Variants in TET2 observed in about 807,000 individuals in gnomAD.
TET2 encodes the protein methylcytosine dioxygenase TET2.
Under a neutral mutation model 142.9 loss-of-function variants are expected in TET2, and 299 were observed. The observed-to-expected ratio is 2.09, with a 90% CI of 1.90 to 2.30. The LOEUF (loss-of-function observed/expected upper bound fraction) is 2.30, where lower values mean the gene tolerates loss of function less well. Ranked by LOEUF, TET2 falls within the 30% of genes most tolerant of loss-of-function variation. TET2 has a pLI of 0.00. For synonymous variants in TET2, 819 were observed against 849.0 expected (o/e 0.96, Z 0.61); for missense variants, 2,418 against 2,378.0 (o/e 1.02, Z -0.35).
intron 2 of TET2, among the ~76,000 whole-genome samples, chr4:105,230,344 T>C (rs2110621895): frequency 6.6e-6 from 1 of 152,332 alleles, no homozygotes; most frequent in South Asian, 2.1e-4. Flanking sequence ...ACACCCAGCC[T>C]GTCAGATAAA....
intron 3 of TET2, 119 bp from the exon 4 acceptor site, chr4:105,241,220 A>C (rs1729279310): frequency 1.5e-6 from 2 of 1,344,170 alleles, no homozygotes; most frequent in Middle Eastern, 2.6e-4. Flanking sequence ...AAAGAAAAAA[A>C]AATTTTAAAG....
rs1371030127 is a variant in TET2, at chr4:105,235,354, G to C, written c.1412G>C (p.Ser471Thr). The C allele has an allele frequency of 6.2e-7, 1 of 1,614,056 alleles. No individual in the cohort carries two copies. Among genetic ancestry groups the C allele is most frequent in the African/African-American group, 1.3e-5 (1 of 74,924 alleles). ...CCTAATCCATCTACACATGTATGCA[G>C]CCCTTCTCCGATGCTTTCTGAAAGG... ...QSPNPSTHVC[S>T]PSPMLSERPQ... Residue 471 changes from serine (S) to threonine (T), a missense_variant, in exon 3 of 11, where the codon AGC (serine) becomes ACC (threonine). By Grantham distance (58) the Ser-to-Thr change is moderately conservative. Coordinates refer to ENST00000380013, the MANE Select transcript of TET2 (RefSeq NM_001127208.3).
rs757207662 is a variant in TET2, at chr4:105,236,394, C to T, written c.2452C>T (p.Pro818Ser). 6 of 1,613,916 alleles carry T rather than the reference C, an allele frequency of 3.7e-6. No homozygotes were observed. ...ACAGAATATAAATCGTAGAAATTCC[C>T]CTTATAGTCAGACCATGAAATCAAG... ...EVQNINRRNS[P>S]YSQTMKSSAC... The change falls in exon 3 of 11, where the codon CCT (proline) becomes TCT (serine). Residue 818 changes from proline (P) to serine (S), a missense_variant. By Grantham distance (74) the Pro-to-Ser change is moderately conservative. Coordinates refer to ENST00000380013, the MANE Select transcript of TET2 (RefSeq NM_001127208.3).
intron 2 of TET2, among the ~76,000 whole-genome samples, chr4:105,225,581 G>A (rs1728142451): frequency 6.6e-6 from 1 of 152,122 alleles, no homozygotes; most frequent in Non-Finnish European, 1.5e-5. Flanking sequence ...TGGCTGATAT[G>A]CCCACATTGA....
At chr4:105,233,383 CAAAAA>C (rs34890297) in intron 2 of TET2, among the ~76,000 whole-genome samples, 2 of 76,144 alleles carry the variant, frequency 2.6e-5, no homozygotes, top group South Asian at 5.9e-4. Context: ...GACTCCATCT[CAAAAA>C]AAAAAAAAAA....
chr4:105,158,998 C>T lies in TET2; in HGVS notation c.-193+12019C>T, dbSNP rs1723701117. ...CACGTGGGTACCGTGCACGTGGCAG[C>T]AGTATTTACAAACACCATCCTAGGA... On this transcript the variant is annotated intron_variant, in intron 1 of 10. Transcript: ENST00000380013. Among the ~76,000 whole-genome samples, 4 of 152,086 alleles carry T rather than the reference C, an allele frequency of 2.6e-5. No individual in the cohort carries two copies. In the South Asian group the frequency reaches 6.2e-4, roughly 24 times the overall value.
chr4:105,210,227 T>C (rs1035877053), intron 2 of TET2, among the ~76,000 whole-genome samples: 19 of 152,132 alleles, frequency 1.2e-4, no homozygotes, highest in Non-Finnish European at 2.9e-5. Flanking sequence ...GTTAGAAGTA[T>C]AGATCTGAGA....
At chr4:105,181,513 A>T (rs1057105630) in intron 1 of TET2, among the ~76,000 whole-genome samples, 21 of 152,184 alleles carry the variant, frequency 1.4e-4, no homozygotes, top group Non-Finnish European at 2.2e-4. Context: ...TCAACAACAA[A>T]TTCCTTCTTT....
intron 8 of TET2, among the ~76,000 whole-genome samples, chr4:105,263,987 A>G (rs574456071): frequency 1.1e-4 from 16 of 152,240 alleles, no homozygotes; most frequent in African/African-American, 3.9e-4. Flanking sequence ...TTACTTGATA[A>G]TATTAAAGAC....
At chr4:105,198,940 A>G (rs2110505298) in intron 2 of TET2, among the ~76,000 whole-genome samples, 1 of 152,348 alleles carries the variant, frequency 6.6e-6, no homozygotes, top group Middle Eastern at 3.4e-3. Context: ...TTTGATACTT[A>G]CATTTTTTTT....
chr4:105,228,697 T>A (rs1036430100), intron 2 of TET2, among the ~76,000 whole-genome samples: 1 of 152,130 alleles, frequency 6.6e-6, no homozygotes, highest in Non-Finnish European at 1.5e-5. Flanking sequence ...AATTGGTGTT[T>A]TACAGTTACC....
intron 6 of TET2, among the ~76,000 whole-genome samples, chr4:105,249,367 G>C (rs893885071): frequency 6.6e-6 from 1 of 152,030 alleles, no homozygotes; most frequent in Non-Finnish European, 1.5e-5. Flanking sequence ...CATTTGGATC[G>C]TTTCTACTTT....
At chr4:105,233,833 T>TATAG (rs58201766) in intron 2 of TET2, 64 bp from the exon 3 acceptor site, 60,462 of 795,602 alleles carry the variant, frequency 0.076, 8,070 homozygotes, top group African/African-American at 0.45. Context: ...TTAGTATTTT[T>TATAG]ATAGATAGAT....
intron 2 of TET2, among the ~76,000 whole-genome samples, chr4:105,207,644 G>A (rs772331350): frequency 3.9e-5 from 6 of 152,094 alleles, no homozygotes; most frequent in Non-Finnish European, 7.4e-5. Context: ...AGAGTTTAGC[G>A]ATTTCCTTGT....
At position 105,275,228 on chromosome 4, in the gene TET2, C is replaced by T. The variant is rs1731148015; in HGVS notation, c.4718C>T (p.Pro1573Leu). The change falls in exon 11 of 11, where the codon CCC becomes CTC. Residue 1573 changes from proline to leucine, a missense_variant. Transcript: ENST00000380013. ...TCCACCAATCCATACATGAGACGGC[C>T]CAATCCAGTTAGTCCTTATCCAAAC... ...SGSTNPYMRR[P>L]NPVSPYPNSS... 6.4e-7 allele frequency: 1 copy of T among 1,552,186 alleles called. No homozygotes were observed. Among genetic ancestry groups the T allele is most frequent in the African/African-American group, 1.4e-5 (1 of 73,016 alleles).
chr4:105,235,234 TA>T lies in TET2; in HGVS notation c.1293del (p.Glu432LysfsTer15). ...EGKSTLNGGVLEEHHHYPNQS... is the reference protein window; with the variant it reads ...EGKSTLNGGVXEEHHHYPNQS... Reference sequence around the variant, plus strand: ...AAAAGCACTCTGAATGGTGGAGTTTTAGAAGAACACCACCACTACCCCAACC... The same window carrying T: ...AAAAGCACTCTGAATGGTGGAGTTTTGAAGAACACCACCACTACCCCAACC... On this transcript the variant is annotated frameshift_variant, in exon 3 of 11. Transcript: ENST00000380013. LOFTEE classifies it high-confidence loss of function. 6.2e-7 allele frequency: 1 copy of T among 1,614,106 alleles called. No individual in the cohort carries two copies. Among genetic ancestry groups the T allele is most frequent in the Non-Finnish European group, 8.5e-7 (1 of 1,179,994 alleles).
At chr4:105,253,669 G>GT (rs1368780683) in intron 6 of TET2, among the ~76,000 whole-genome samples, 2 of 151,644 alleles carry the variant, frequency 1.3e-5, no homozygotes, top group African/African-American at 2.4e-5. Flanking sequence ...AGCATTTCCA[G>GT]TATGATGTTG....
rs552675000 is a variant in TET2 at position 105,149,402 on chromosome 4, A to G, written c.-193+2423A>G. On this transcript the variant is annotated intron_variant, in intron 1 of 10. Transcript: ENST00000380013. ...AAATAGCTGCTAATTAATACTGTAT[A>G]AAGTATTTCAGTGATTATAAGGAAG... Among the ~76,000 whole-genome samples, 33 of 152,308 alleles carry G rather than the reference A, an allele frequency of 2.2e-4. No individual in the cohort carries two copies. The Middle Eastern group carries it at 0.014, about 63-fold the overall frequency.
chr4:105,209,098 T>C (rs1306443252), intron 2 of TET2, among the ~76,000 whole-genome samples: 3 of 127,484 alleles, frequency 2.4e-5, no homozygotes, highest in African/African-American at 5.8e-5. Context: ...TATATATATA[T>C]GTTTGAGCGA....
Sources: gnomAD v4.1 joint callset for allele counts (sites outside exome capture counted in the v4.1 genomes callset) on GRCh38, gnomAD v4.1.1 for gene constraint, MANE v1.5 for transcripts, NCBI Gene and HGNC (gene_info 2026-07-23, HGNC 2026-07-21) for gene names.